ELL2: variants seen among roughly 807,000 people sequenced by gnomAD.
The protein encoded by ELL2 is RNA polymerase II elongation factor ELL2.
In ELL2, 21 loss-of-function variants were observed where a neutral mutation model predicts 72.8. The observed-to-expected ratio is 0.29, with a 90% CI of 0.20 to 0.42. The LOEUF is 0.42. ELL2 is among the 10% of genes least tolerant of loss of function. The pLI, the probability that ELL2 is intolerant of heterozygous loss-of-function variation, is 1.00. For missense variants in ELL2, 568 were observed against 772.8 expected (o/e 0.73, Z 3.14); for synonymous variants, 266 against 283.2 (o/e 0.94, Z 0.61).
intron 2 of ELL2, among the ~76,000 whole-genome samples, chr5:95,934,005 T>G (rs1750687321): frequency 6.6e-6 from 1 of 152,186 alleles, no homozygotes; most frequent in African/African-American, 2.4e-5. Flanking sequence ...GAAATCTAAG[T>G]AAGCATCATC....
At chr5:95,939,957 T>C (rs1264112485) in intron 2 of ELL2, among the ~76,000 whole-genome samples, 1 of 152,204 alleles carries the variant, frequency 6.6e-6, no homozygotes, top group Non-Finnish European at 1.5e-5. Flanking sequence ...AGTAAACCTT[T>C]AGTTGTAAGT....
chr5:95,899,775 A>C (rs1749059611), intron 7 of ELL2, among the ~76,000 whole-genome samples: 1 of 152,206 alleles, frequency 6.6e-6, no homozygotes, highest in South Asian at 2.1e-4. Flanking sequence ...TCAGAGTAGA[A>C]GTAGTTTCAT....
chr5:95,945,323 G>A (rs1038189545), intron 1 of ELL2, among the ~76,000 whole-genome samples: 11 of 152,040 alleles, frequency 7.2e-5, no homozygotes, highest in Admixed American at 2.0e-4. Flanking sequence ...TTCTCTCCCC[G>A]ACTTCATATT....
At chr5:95,907,277 G>GATATATATATATATATATATATATAT (rs748817419) in intron 4 of ELL2, among the ~76,000 whole-genome samples, 1 of 119,930 alleles carries the variant, frequency 8.3e-6, no homozygotes, top group African/African-American at 3.5e-5. Flanking sequence ...ATCCGTTAGT[G>GATATATATATATATATATATATATAT]ATATATATAT....
chr5:95,915,172 G>T (rs550432300), intron 3 of ELL2, among the ~76,000 whole-genome samples: 145 of 152,252 alleles, frequency 9.5e-4, no homozygotes, highest in African/African-American at 3.5e-3. Flanking sequence ...GTGCAATCTT[G>T]GCTCACTGCA....
chr5:95,959,723 G>T (rs534817927), intron 1 of ELL2, among the ~76,000 whole-genome samples: 1 of 152,074 alleles, frequency 6.6e-6, no homozygotes, highest in Non-Finnish European at 1.5e-5. Flanking sequence ...CTTTCTCCCT[G>T]TGCATGCACT....
intron 2 of ELL2, among the ~76,000 whole-genome samples, chr5:95,933,410 A>G (rs1358272369): frequency 6.6e-6 from 1 of 152,220 alleles, no homozygotes; most frequent in Non-Finnish European, 1.5e-5. Flanking sequence ...ATGATAGTGC[A>G]TCCATAAAAT....
At chr5:95,920,549 T>G (rs558374613) in intron 2 of ELL2, among the ~76,000 whole-genome samples, 1 of 152,028 alleles carries the variant, frequency 6.6e-6, no homozygotes, top group South Asian at 2.1e-4. Context: ...GTTCAAGGGC[T>G]GGCTTCCCTA....
Position 95,898,262 on chromosome 5 carries a change from G to A in ELL2, c.1503C>T (p.Asn501=). Residue 501 remains asparagine (N), a synonymous_variant, in exon 8 of 12, where the codon AAC becomes AAT. Coordinates refer to ENST00000237853, the MANE Select transcript of ELL2 (RefSeq NM_012081.6). ...TACCTCCACTGGAATTTGGACTGGA[G>A]TTATTTAGCTTGGCAATTTCCTCTT... The part of the protein sequence containing the change: ...KREEEIAKLN[N]SSPNSSGGVK... The A allele has an allele frequency of 6.2e-7, 1 of 1,607,132 alleles. No homozygotes were observed. Among genetic ancestry groups the A allele is most frequent in the Non-Finnish European group, 8.5e-7 (1 of 1,178,150 alleles).
chr5:95,942,971 AT>A, intron 2 of ELL2, 30 bp downstream of exon 2: 1 of 1,537,894 alleles, frequency 6.5e-7, no homozygotes, highest in Non-Finnish European at 8.8e-7. Context: ...AGAACATTAG[AT>A]TTGTTTGTTA....
In ELL2 at chr5:95,888,996, GAAAAAAAA is replaced by G. The variant is rs199699795; in HGVS notation, c.1807-17_1807-10del. On this transcript the variant is annotated splice_polypyrimidine_tract_variant and intron_variant, in intron 11 of 11. Transcript: ENST00000237853. ...TGGTAATTGGGACTAGACTGCAGATGAAAAAAAAAAAAAAAAAAGAGGAATGAGATTGC... is the reference window on the plus strand; with the variant it reads ...TGGTAATTGGGACTAGACTGCAGATGAAAAAAAAAAGAGGAATGAGATTGC... 75 of 1,257,360 alleles carry G rather than the reference GAAAAAAAA, an allele frequency of 6.0e-5. No individual in the cohort carries two copies. In the African/African-American group the frequency reaches 1.3e-3, roughly 21 times the overall value. The allele number at this position is 1,257,360 out of a possible 1,614,324, so 77.9% of individuals were successfully genotyped here.
rs553485139 is a variant in ELL2, at chr5:95,946,794, T to A, written c.148-3745A>T. Among the ~76,000 whole-genome samples the A allele has an allele frequency of 9.2e-5, 14 of 152,210 alleles. 1 individual carries two copies. The highest frequency in any genetic ancestry group is 7.2e-4 in the Admixed American group (11 of 15,278). On this transcript the variant is annotated intron_variant, in intron 1 of 11. Coordinates refer to ENST00000237853, the MANE Select transcript of ELL2 (RefSeq NM_012081.6). ...TGCCAATCCATAGTTATTGCTTACTTAACATTCAAGCTCAACATTAATTTC... is the reference window on the plus strand; with the variant it reads ...TGCCAATCCATAGTTATTGCTTACTAAACATTCAAGCTCAACATTAATTTC...
Position 95,896,550 on chromosome 5 carries a change from T to C in ELL2, c.1526-859A>G, listed in dbSNP as rs149284596. On this transcript the variant is annotated intron_variant, in intron 8 of 11. Coordinates refer to ENST00000237853, the MANE Select transcript of ELL2 (RefSeq NM_012081.6). The stretch of plus-strand genomic sequence containing the variant: ...ACAAAGTACCCTAAACAAATATTAA[T>C]ACATAGACTCTGAGTGCATGCTGCT... Among the ~76,000 whole-genome samples, 307 of 152,350 alleles carry C rather than the reference T, an allele frequency of 2.0e-3. 1 individual carries two copies. Among genetic ancestry groups the C allele is most frequent in the African/African-American group, 6.9e-3 (288 of 41,590 alleles).
At chr5:95,911,064 A>G (rs560013570) in intron 4 of ELL2, among the ~76,000 whole-genome samples, 2 of 152,348 alleles carry the variant, frequency 1.3e-5, no homozygotes, top group South Asian at 2.1e-4. Context: ...CAGGCACTCA[A>G]TAAGTGCTGG....
chr5:95,907,276 T>TGA, intron 4 of ELL2, among the ~76,000 whole-genome samples: 1 of 128,780 alleles, frequency 7.8e-6, no homozygotes, highest in Non-Finnish European at 1.5e-5. Flanking sequence ...CATCCGTTAG[T>TGA]GATATATATA....
At chr5:95,925,332 C>T (rs1479636821) in intron 2 of ELL2, among the ~76,000 whole-genome samples, 1 of 152,134 alleles carries the variant, frequency 6.6e-6, no homozygotes, top group Non-Finnish European at 1.5e-5. Context: ...AGATTAGGGA[C>T]AATGAGGCTT....
intron 2 of ELL2, among the ~76,000 whole-genome samples, chr5:95,932,166 C>T (rs1750625554): frequency 6.6e-6 from 1 of 151,990 alleles, no homozygotes; most frequent in Non-Finnish European, 1.5e-5. Flanking sequence ...TAATTTTCTT[C>T]AAGCCTATAA....
At chr5:95,913,195 A>G (rs141099600) in intron 4 of ELL2, 39 of 152,354 alleles carry the variant, frequency 2.6e-4, no homozygotes, top group African/African-American at 8.4e-4. Context: ...TAATTAATGG[A>G]TAGATGAGGA....
intron 2 of ELL2, among the ~76,000 whole-genome samples, chr5:95,920,534 C>T (rs1309779508): frequency 6.6e-6 from 1 of 151,720 alleles, no homozygotes; most frequent in Admixed American, 6.6e-5. Context: ...ATTTTCTACA[C>T]TCTTGTTCAA....
Sources: allele counts gnomAD v4.1 joint callset (sites outside exome capture counted in the v4.1 genomes callset), GRCh38; gene constraint gnomAD v4.1.1; transcripts MANE v1.5; gene names NCBI Gene and HGNC (gene_info 2026-07-23, HGNC 2026-07-21).